Variants in PEX5L observed in about 807,000 individuals in gnomAD.
PEX5L encodes the protein peroxisomal biogenesis factor 5 like.
In PEX5L, 30 loss-of-function variants were observed where a neutral mutation model predicts 84.0. The ratio of observed to expected loss-of-function variants is 0.36; its 90% CI spans 0.27 to 0.48. The LOEUF is 0.48. Among genes scored for constraint, PEX5L ranks in the 20% least tolerant of loss-of-function variants. The pLI is 0.99. For missense variants in PEX5L, 533 were observed against 754.6 expected, an observed-to-expected ratio of 0.71 and a Z score of 3.44; for synonymous variants, 270 against 283.1, an observed-to-expected ratio of 0.95 and a Z score of 0.46.
At position 179,853,797 on chromosome 3, in the gene PEX5L, CTCT is replaced by C. The variant is rs1028353822; in HGVS notation, c.822+5262_822+5264del. ...CTTCTTCTTCTTCCTCTTCCTCTTC[CTCT>C]TCTTCTTCTTATTCTTCTTCTTCTT... On this transcript the variant is annotated intron_variant, in intron 8 of 14. Coordinates refer to ENST00000467460, the MANE Select transcript of PEX5L (RefSeq NM_016559.3). Among the ~76,000 whole-genome samples the C allele has an allele frequency of 6.8e-5, 10 of 147,212 alleles. No individual in the cohort carries two copies. In the East Asian group the frequency reaches 1.0e-3, roughly 15 times the overall value.
Position 179,859,046 on chromosome 3 carries a change from T to C in PEX5L, c.822+16A>G. 1 of 1,578,870 alleles carries C rather than the reference T, an allele frequency of 6.3e-7. No individual in the cohort carries two copies. Among genetic ancestry groups the C allele is most frequent in the Non-Finnish European group, 8.7e-7 (1 of 1,148,054 alleles). ...AGGAGCATGAAACAGAAAAAACTAATTTGAAGAAAAGTTACCTCCACTGCT... is the reference window on the plus strand; with the variant it reads ...AGGAGCATGAAACAGAAAAAACTAACTTGAAGAAAAGTTACCTCCACTGCT... On this transcript the variant is annotated intron_variant, in intron 8 of 14. Transcript: ENST00000467460.
At chr3:179,978,724 T>C (rs908605016) in intron 1 of PEX5L, among the ~76,000 whole-genome samples, 1 of 152,216 alleles carries the variant, frequency 6.6e-6, no homozygotes, top group African/African-American at 2.4e-5. Flanking sequence ...CTGAAAATCT[T>C]TGCTTTTATT....
chr3:179,971,566 T>C, intron 2 of PEX5L, 28 bp downstream of exon 2: 1 of 1,596,526 alleles, frequency 6.3e-7, no homozygotes, highest in South Asian at 1.1e-5. Flanking sequence ...AGTAGAACAG[T>C]AGAAAATGTA....
At chr3:179,897,146 T>A (rs1466768173) in intron 3 of PEX5L, among the ~76,000 whole-genome samples, 1 of 152,170 alleles carries the variant, frequency 6.6e-6, no homozygotes, top group African/African-American at 2.4e-5. Flanking sequence ...TCCGCTGATA[T>A]TCTAAAAATA....
intron 1 of PEX5L, 140 bp downstream of exon 1, chr3:180,036,438 GA>G (rs1185332500): frequency 1.2e-6 from 1 of 844,996 alleles, no homozygotes; most frequent in Non-Finnish European, 2.0e-6. Flanking sequence ...GGCAGCACCG[GA>G]CAGAAATGTC....
chr3:179,999,647 T>TG (rs1028495394), intron 1 of PEX5L, among the ~76,000 whole-genome samples: 25 of 152,322 alleles, frequency 1.6e-4, no homozygotes, highest in African/African-American at 4.6e-4. Flanking sequence ...ACTCTGGATA[T>TG]GGGTTTGCCT....
At position 179,809,674 on chromosome 3, in the gene PEX5L, A is replaced by AG. The variant is rs748236347; in HGVS notation, c.1155-7_1155-6insC. Reference sequence around the variant, plus strand: ...TGGGCTGTAATTCTAAGCACCTGAAAAAAAAAAAGAAGCCAATTTCAGATT... The same window carrying AG: ...TGGGCTGTAATTCTAAGCACCTGAAAGAAAAAAAAGAAGCCAATTTCAGATT... On this transcript the variant is annotated splice_region_variant and splice_polypyrimidine_tract_variant and intron_variant, in intron 11 of 14. Transcript: ENST00000467460. The AG allele has an allele frequency of 2.6e-5, 41 of 1,577,446 alleles. No homozygotes were observed. The highest frequency in any genetic ancestry group is 2.2e-4 in the South Asian group (19 of 84,960).
At chr3:179,821,241 TAAAC>T (rs1232884622) in intron 8 of PEX5L, among the ~76,000 whole-genome samples, 9 of 152,216 alleles carry the variant, frequency 5.9e-5, no homozygotes, top group Admixed American at 2.0e-4. Context: ...TTATTTTCTT[TAAAC>T]AAACAAACAA....
intron 8 of PEX5L, among the ~76,000 whole-genome samples, chr3:179,836,664 G>A (rs537637543): frequency 6.6e-6 from 1 of 152,258 alleles, no homozygotes; most frequent in South Asian, 2.1e-4. Context: ...TTAGGTAGAC[G>A]CTATGCTTAT....
chr3:179,971,762 TCAC>T, intron 1 of PEX5L, 97 bp from the exon 2 acceptor site: 1 of 1,227,334 alleles, frequency 8.1e-7, no homozygotes, highest in Non-Finnish European at 1.1e-6. Context: ...TTAGCCTTGT[TCAC>T]CAGTCATAAT....
intron 2 of PEX5L, among the ~76,000 whole-genome samples, chr3:179,966,661 C>T (rs1366747115): frequency 6.6e-6 from 1 of 152,130 alleles, no homozygotes; most frequent in African/African-American, 2.4e-5. Flanking sequence ...CTTGAGGATC[C>T]ATTTTCACAA....
chr3:179,929,383 G>T (rs964063313), intron 2 of PEX5L, among the ~76,000 whole-genome samples: 2 of 152,016 alleles, frequency 1.3e-5, no homozygotes, highest in African/African-American at 4.8e-5. Context: ...TTTGACAAAA[G>T]AGTAGAGCTA....
At chr3:179,811,954 A>T (rs1560189609) in intron 10 of PEX5L, 83 bp from the exon 11 acceptor site, 1 of 1,057,908 alleles carries the variant, frequency 9.5e-7, no homozygotes, top group East Asian at 2.4e-5. Context: ...CCTGTGATGG[A>T]TCCCCTATGC....
chr3:179,887,891 T>C (rs1756404038), intron 3 of PEX5L, 107 bp from the exon 4 acceptor site: 1 of 768,344 alleles, frequency 1.3e-6, no homozygotes, highest in Non-Finnish European at 2.2e-6. Context: ...CTACCAAAAA[T>C]AAATAAATAC....
At chr3:179,821,813 TAGATA>T (rs1227990074) in intron 8 of PEX5L, among the ~76,000 whole-genome samples, 5 of 152,230 alleles carry the variant, frequency 3.3e-5, no homozygotes, top group Non-Finnish European at 7.3e-5. Flanking sequence ...TAGCAATGGC[TAGATA>T]AAAGACTAGG....
chr3:179,982,049 T>G (rs1385737892), intron 1 of PEX5L, among the ~76,000 whole-genome samples: 3 of 152,212 alleles, frequency 2.0e-5, no homozygotes, highest in African/African-American at 7.2e-5. Context: ...ATATTTAAAG[T>G]GTGTTTAAAG....
intron 14 of PEX5L, among the ~76,000 whole-genome samples, chr3:179,804,922 A>C (rs1720623982): frequency 6.6e-6 from 1 of 152,026 alleles, no homozygotes. Context: ...AGTTTGAGAC[A>C]AGTCTGGCCA....
At chr3:179,962,839 G>T (rs1782406793) in intron 2 of PEX5L, among the ~76,000 whole-genome samples, 3 of 152,114 alleles carry the variant, frequency 2.0e-5, no homozygotes, top group Admixed American at 1.3e-4. Flanking sequence ...CACTCAACCT[G>T]TCAGCTCATG....
At chr3:179,813,353 G>A (rs1724630871) in intron 10 of PEX5L, among the ~76,000 whole-genome samples, 1 of 151,956 alleles carries the variant, frequency 6.6e-6, no homozygotes, top group South Asian at 2.1e-4. Flanking sequence ...AATCTTCCAG[G>A]GCTGTTGTGT....
Sources: allele counts gnomAD v4.1 joint callset (sites outside exome capture counted in the v4.1 genomes callset), GRCh38; gene constraint gnomAD v4.1.1; transcripts MANE v1.5; gene names NCBI Gene and HGNC (gene_info 2026-07-23, HGNC 2026-07-21).